LRRC9: variants seen among roughly 807,000 people sequenced by gnomAD.
The protein encoded by LRRC9 is leucine rich repeat containing 9.
LRRC9 carries 122 observed loss-of-function variants against 63.2 expected under a neutral mutation model. The observed-to-expected ratio is 1.93, with a 90% CI of 1.67 to 2.24. LRRC9 has a LOEUF of 2.24. Ranked by LOEUF, LRRC9 falls within the 30% of genes most tolerant of loss-of-function variation. LRRC9 has a pLI of 0.00. For synonymous variants in LRRC9, 366 were observed against 213.1 expected, an observed-to-expected ratio of 1.72 and a Z score of -6.25; for missense variants, 1,071 against 627.7, an observed-to-expected ratio of 1.71 and a Z score of -7.55.
In LRRC9 at chr14:60,042,811, C is replaced by T. The variant is rs937401919; in HGVS notation, c.3991-10254C>T. Among the ~76,000 whole-genome samples the T allele has an allele frequency of 3.9e-5, 6 of 152,178 alleles. No homozygotes were observed. The highest frequency in any genetic ancestry group is 8.8e-5 in the Non-Finnish European group (6 of 68,026). On this transcript the variant is annotated intron_variant, in intron 29 of 31. Transcript: ENST00000445360. The surrounding 1 kb of genome is among the most constrained non-coding windows in gnomAD (Gnocchi z 4.2). ...CCTCAGTTGGAAATGCAGAAATCAC[C>T]CATCTTCGGTGTCGCTCACACTGGG...
chr14:59,971,148 G>T (rs1294053968), intron 12 of LRRC9, among the ~76,000 whole-genome samples: 1 of 152,062 alleles, frequency 6.6e-6, no homozygotes, highest in Non-Finnish European at 1.5e-5. Context: ...TCTGCATATG[G>T]CTAGTCAGTT....
intron 24 of LRRC9, among the ~76,000 whole-genome samples, 189 bp from the exon 25 acceptor site, chr14:60,018,182 T>A (rs1328720783): frequency 1.3e-5 from 2 of 152,022 alleles, no homozygotes; most frequent in Non-Finnish European, 2.9e-5. Context: ...TTCTTGCATA[T>A]GTACCCAACA....
chr14:59,949,821 T>G (rs1418423647), intron 8 of LRRC9, among the ~76,000 whole-genome samples: 3 of 146,504 alleles, frequency 2.0e-5, no homozygotes, highest in Non-Finnish European at 4.5e-5. Flanking sequence ...GTGAGATTCT[T>G]AATCCTGAGT....
chr14:59,978,641 G>A (rs1484496615), intron 15 of LRRC9, among the ~76,000 whole-genome samples: 1 of 151,972 alleles, frequency 6.6e-6, no homozygotes, highest in Non-Finnish European at 1.5e-5. Flanking sequence ...CATTATTTTG[G>A]TGGCTGCATA....
At chr14:59,941,414 TA>T (rs1476828648) in intron 7 of LRRC9, among the ~76,000 whole-genome samples, 1 of 151,546 alleles carries the variant, frequency 6.6e-6, no homozygotes, top group Non-Finnish European at 1.5e-5. Flanking sequence ...TTATCCCACC[TA>T]GGGGGATTCC....
chr14:60,022,940 A>T (rs756122865), intron 27 of LRRC9, 70 bp downstream of exon 27: 41 of 435,582 alleles, frequency 9.4e-5, no homozygotes, highest in Non-Finnish European at 1.2e-4. Flanking sequence ...TTCTGTTTTG[A>T]TAAGCAAATA....
rs543673748 is a variant in LRRC9, at chr14:59,986,082, G to A, written c.2211+858G>A. ...TCCAGGTTATTATTTCTTTCTTTCT[G>A]TCTTGTCCTTTGACCTGAATATCAC... is the stretch of plus-strand genomic sequence containing the variant. On this transcript the variant is annotated intron_variant, in intron 17 of 31. Coordinates refer to ENST00000445360, the Ensembl canonical transcript of LRRC9. The surrounding 1 kb of genome is among the most constrained non-coding windows in gnomAD (Gnocchi z 4.7). 6.6e-6 allele frequency among the ~76,000 whole-genome samples: 1 copy of A among 151,840 alleles called. No individual in the cohort carries two copies. Among genetic ancestry groups the A allele is most frequent in the Non-Finnish European group, 1.5e-5 (1 of 67,926 alleles).
At chr14:59,939,583 A>C (rs1881537797) in intron 7 of LRRC9, among the ~76,000 whole-genome samples, 1 of 152,046 alleles carries the variant, frequency 6.6e-6, no homozygotes, top group Non-Finnish European at 1.5e-5. Flanking sequence ...TCATAGAGAA[A>C]GTGGTAAGAA....
rs1212435712 is a variant in LRRC9 at position 59,975,151 on chromosome 14, GTA to G, written c.1639+455_1639+456del. On this transcript the variant is annotated intron_variant, in intron 13 of 31. Coordinates refer to ENST00000445360, the Ensembl canonical transcript of LRRC9. The stretch of plus-strand genomic sequence containing the variant: ...TGTATATATATATACATATATATAT[GTA>G]TATATATATATGTATATATATATAC... 6.8e-3 allele frequency among the ~76,000 whole-genome samples: 71 copies of G among 10,496 alleles called. 5 individuals are homozygous for G. Among genetic ancestry groups the G allele is most frequent in the African/African-American group, 7.9e-3 (40 of 5,090 alleles). The allele number at this position is 10,496 out of a possible 152,430, so 6.9% of individuals were successfully genotyped here. A position where few individuals can be genotyped will look rare whatever the true frequency, so the allele number is the denominator to read the frequency against.
chr14:60,035,040 G>T (rs548152480), intron 29 of LRRC9, among the ~76,000 whole-genome samples: 1 of 151,586 alleles, frequency 6.6e-6, no homozygotes, highest in South Asian at 2.1e-4. Flanking sequence ...CATTTTAACT[G>T]GGGTAAAATG....
chr14:59,999,773 T>C (rs144710332), intron 19 of LRRC9, among the ~76,000 whole-genome samples: 2 of 152,212 alleles, frequency 1.3e-5, no homozygotes, highest in Non-Finnish European at 2.9e-5. Flanking sequence ...ATCTGAATAT[T>C]AATTCCTTAG....
chr14:59,971,056 TTTACATTTAAGTCC>T (rs149322596), intron 12 of LRRC9, among the ~76,000 whole-genome samples: 431 of 152,164 alleles, frequency 2.8e-3, no homozygotes, highest in African/African-American at 9.8e-3. Context: ...AGTTTTGGGT[TTTACATTTAAGTCC>T]TTACATTTAA....
Position 60,042,554 on chromosome 14 carries a change from G to A in LRRC9, c.3990+10491G>A, listed in dbSNP as rs376603470. Among the ~76,000 whole-genome samples the A allele has an allele frequency of 2.8e-4, 43 of 152,284 alleles. No homozygotes were observed. Among genetic ancestry groups the A allele is most frequent in the African/African-American group, 9.1e-4 (38 of 41,566 alleles). On this transcript the variant is annotated intron_variant, in intron 29 of 31. Coordinates refer to ENST00000445360, the Ensembl canonical transcript of LRRC9. The surrounding 1 kb of genome is among the most constrained non-coding windows in gnomAD (Gnocchi z 4.2). ...GGGCATGGGATCCTCCAAGCCATGC[G>A]CGGGATATAATCTCCTGTTGTGCCG... is the stretch of plus-strand genomic sequence containing the variant.
At chr14:60,035,840 G>GT (rs1438253495) in intron 29 of LRRC9, among the ~76,000 whole-genome samples, 2 of 151,992 alleles carry the variant, frequency 1.3e-5, no homozygotes, top group Non-Finnish European at 2.9e-5. Flanking sequence ...TTTAGGATTT[G>GT]TTTTTTTATT....
At chr14:59,988,207 C>G (rs1887680568) in intron 17 of LRRC9, among the ~76,000 whole-genome samples, 1 of 152,132 alleles carries the variant, frequency 6.6e-6, no homozygotes, top group Non-Finnish European at 1.5e-5. Flanking sequence ...GCCATGTCTT[C>G]AAGAAACCTT....
At chr14:60,014,384 C>CT (rs149984682) in intron 23 of LRRC9, among the ~76,000 whole-genome samples, 170 of 148,572 alleles carry the variant, frequency 1.1e-3, no homozygotes, top group Non-Finnish European at 1.9e-3. Flanking sequence ...TCCAAGATTC[C>CT]TTTTTTTTTT....
intron 16 of LRRC9, among the ~76,000 whole-genome samples, chr14:59,982,914 A>T (rs1887082148): frequency 6.6e-6 from 1 of 152,218 alleles, no homozygotes; most frequent in Non-Finnish European, 1.5e-5. Flanking sequence ...AGTTTTAAAT[A>T]AGCTTCTAGA....
intron 31 of LRRC9, chr14:60,062,065 C>T (rs79720034): frequency 1.5e-4 from 61 of 398,716 alleles, no homozygotes; most frequent in African/African-American, 1.2e-3. Context: ...AGCATCCATG[C>T]AGAAATAGCT....
At position 60,045,653 on chromosome 14, in the gene LRRC9, T is replaced by C. The variant is rs1595101778; in HGVS notation, c.3991-7412T>C. Among the ~76,000 whole-genome samples, 6 of 152,342 alleles carry C rather than the reference T, an allele frequency of 3.9e-5. No individual in the cohort carries two copies. In the South Asian group the frequency reaches 1.2e-3, roughly 32 times the overall value. On this transcript the variant is annotated intron_variant, in intron 29 of 31. Coordinates refer to ENST00000445360, the Ensembl canonical transcript of LRRC9. ...TATTCCATGGTTTAAATGTACCACA[T>C]TTTCTTTATCCAGTTTATCACTGAT...
Sources: allele counts gnomAD v4.1 joint callset (sites outside exome capture counted in the v4.1 genomes callset), GRCh38; gene constraint gnomAD v4.1.1; non-coding constraint Gnocchi (gnomAD v3.1); transcripts MANE v1.5; gene names NCBI Gene and HGNC (gene_info 2026-07-23, HGNC 2026-07-21).